UBE2D1: variants seen among roughly 807,000 people sequenced by gnomAD.
UBE2D1 encodes the protein ubiquitin-conjugating enzyme E2 D1.
A neutral mutation model predicts 24.6 loss-of-function variants in UBE2D1; 9 were observed. That is an observed-to-expected ratio of 0.37 (90% CI 0.22 to 0.64). UBE2D1 has a LOEUF of 0.64. Among genes scored for constraint, UBE2D1 ranks in the 30% least tolerant of loss-of-function variants. The pLI, the probability that UBE2D1 is intolerant of heterozygous loss-of-function variation, is 0.64. For missense variants in UBE2D1, 87 were observed against 177.1 expected (o/e 0.49, Z 2.89); for synonymous variants, 57 against 57.6 (o/e 0.99, Z 0.04).
At chr10:58,354,227 C>T (rs1840106967) in intron 1 of UBE2D1, among the ~76,000 whole-genome samples, 2 of 151,906 alleles carry the variant, frequency 1.3e-5, no homozygotes, top group Non-Finnish European at 2.9e-5. Context: ...AGTAAATTGC[C>T]CAAGGTCACA....
rs1467561400 is a variant in UBE2D1 at position 58,362,651 on chromosome 10, A to G, written c.121-958A>G. 2.6e-5 allele frequency among the ~76,000 whole-genome samples: 4 copies of G among 152,128 alleles called. No individual in the cohort carries two copies. The East Asian group carries it at 5.8e-4, about 22-fold the overall frequency. ...CCTTACTTTAGTAATGTAAATATTT[A>G]CAGTACTCTGGACCATATCTGTCAT... On this transcript the variant is annotated intron_variant, in intron 3 of 6. Coordinates refer to ENST00000373910, the MANE Select transcript of UBE2D1 (RefSeq NM_003338.5).
chr10:58,335,312 G>A, intron 1 of UBE2D1, 87 bp downstream of exon 1: 1 of 1,385,716 alleles, frequency 7.2e-7, no homozygotes, highest in East Asian at 2.8e-5. Flanking sequence ...GACATGCGGG[G>A]AGAGCAAGGG....
chr10:58,353,770 C>T (rs1288485795), intron 1 of UBE2D1, among the ~76,000 whole-genome samples: 1 of 152,066 alleles, frequency 6.6e-6, no homozygotes, highest in South Asian at 2.1e-4. Flanking sequence ...TATTCTAACA[C>T]CTGTTATACT....
Position 58,368,017 on chromosome 10 carries a change from G to A in UBE2D1, c.398+1G>A, listed in dbSNP as rs2132335415. The A allele has an allele frequency of 6.2e-7, 1 of 1,601,240 alleles. No individual in the cohort carries two copies. ...AAATCTATAAATCAGACAAAGAAAA[G>A]TAAGTGTTTACTTATTTTAGTTTCT... On this transcript the variant is annotated splice_donor_variant, in intron 6 of 6. Transcript: ENST00000373910. LOFTEE classifies it high-confidence loss of function.
intron 1 of UBE2D1, among the ~76,000 whole-genome samples, chr10:58,343,863 G>A (rs1839987757): frequency 6.6e-6 from 1 of 152,180 alleles, no homozygotes; most frequent in South Asian, 2.1e-4. Flanking sequence ...GTAGGTATTG[G>A]TAGGCATGTT....
chr10:58,358,217 G>A (rs2132327515), intron 1 of UBE2D1, among the ~76,000 whole-genome samples: 2 of 152,122 alleles, frequency 1.3e-5, no homozygotes, highest in African/African-American at 2.4e-5. Context: ...TGTAAAATAT[G>A]TACATGCAAG....
intron 1 of UBE2D1, among the ~76,000 whole-genome samples, chr10:58,335,967 A>G (rs1167969699): frequency 5.3e-5 from 8 of 152,236 alleles, no homozygotes. Flanking sequence ...GTAAAGTTCG[A>G]GACACAACAT....
chr10:58,351,233 ATAAAT>A (rs1455473956), intron 1 of UBE2D1, among the ~76,000 whole-genome samples: 1 of 152,224 alleles, frequency 6.6e-6, no homozygotes, highest in African/African-American at 2.4e-5. Context: ...TTCTTCAATA[ATAAAT>A]TAAACTTAGC....
chr10:58,344,871 T>G (rs946967027), intron 1 of UBE2D1, among the ~76,000 whole-genome samples: 13 of 151,662 alleles, frequency 8.6e-5, no homozygotes, highest in Admixed American at 3.9e-4. Flanking sequence ...TTTTTTGTTT[T>G]TTTTTTTTTT....
intron 3 of UBE2D1, among the ~76,000 whole-genome samples, chr10:58,363,275 T>C (rs1046250732): frequency 1.2e-4 from 18 of 152,176 alleles, no homozygotes; most frequent in Admixed American, 1.2e-3. Context: ...CAGTCGTGTG[T>C]ATACTGATCT....
chr10:58,365,380 G>C (rs947731048), intron 5 of UBE2D1, among the ~76,000 whole-genome samples: 2 of 152,240 alleles, frequency 1.3e-5, no homozygotes, highest in Admixed American at 1.3e-4. Flanking sequence ...TGGAAATGTT[G>C]ACAATAATAA....
At chr10:58,365,290 G>A (rs980924833) in intron 5 of UBE2D1, among the ~76,000 whole-genome samples, 2 of 152,090 alleles carry the variant, frequency 1.3e-5, no homozygotes, top group Admixed American at 1.3e-4. Flanking sequence ...CAACATAGGA[G>A]ACCCCATCTC....
At chr10:58,340,463 T>C (rs1017896928) in intron 1 of UBE2D1, among the ~76,000 whole-genome samples, 8 of 152,202 alleles carry the variant, frequency 5.3e-5, no homozygotes, top group African/African-American at 1.4e-4. Context: ...ATCAGTAATC[T>C]GTTTATAGAA....
rs75149214 is a variant in UBE2D1, at chr10:58,366,336, T to C, written c.304+1460T>C. ...CTTATAAGTAAAATGGGGATTCTTA[T>C]AGTGTTACCATACAGGGTTGCTATG... On this transcript the variant is annotated intron_variant, in intron 5 of 6. Transcript: ENST00000373910. Among the ~76,000 whole-genome samples the C allele has an allele frequency of 4.5e-3, 689 of 152,296 alleles. 4 individuals carry two copies. The highest frequency in any genetic ancestry group is 0.016 in the African/African-American group (653 of 41,564).
chr10:58,346,156 G>A (rs947559951), intron 1 of UBE2D1, among the ~76,000 whole-genome samples: 13 of 151,710 alleles, frequency 8.6e-5, no homozygotes, highest in East Asian at 5.8e-4. Context: ...GACTACAGGC[G>A]TGCACCACCA....
chr10:58,363,476 T>C (rs2132331939), intron 3 of UBE2D1, 133 bp from the exon 4 acceptor site: 1 of 575,642 alleles, frequency 1.7e-6, no homozygotes, highest in South Asian at 2.8e-5. Flanking sequence ...TTTTTTCATA[T>C]TGGTAATATT....
chr10:58,343,263 C>T (rs898799604), intron 1 of UBE2D1, among the ~76,000 whole-genome samples: 5 of 151,444 alleles, frequency 3.3e-5, no homozygotes, highest in African/African-American at 1.2e-4. Flanking sequence ...TTCCCAGTAT[C>T]TTTTTTTTTC....
At chr10:58,343,812 G>A (rs1168439726) in intron 1 of UBE2D1, among the ~76,000 whole-genome samples, 2 of 152,260 alleles carry the variant, frequency 1.3e-5, no homozygotes, top group African/African-American at 4.8e-5. Flanking sequence ...CAGTTATTAG[G>A]TATAGAGCTG....
In UBE2D1 at chr10:58,367,526, GCT is replaced by G. The variant is rs574277188; in HGVS notation, c.305-394_305-393del. The stretch of plus-strand genomic sequence containing the variant: ...TTTTCTTCTTTGTAGACAGACTATA[GCT>G]CTAAGCCAAAGCAAAAGAGTGTATG... On this transcript the variant is annotated intron_variant, in intron 5 of 6. Coordinates refer to ENST00000373910, the MANE Select transcript of UBE2D1 (RefSeq NM_003338.5). 1.1e-4 allele frequency among the ~76,000 whole-genome samples: 16 copies of G among 152,184 alleles called. No homozygotes were observed. The East Asian group carries it at 2.9e-3, about 28-fold the overall frequency.
Sources: allele counts gnomAD v4.1 joint callset (sites outside exome capture counted in the v4.1 genomes callset), GRCh38; gene constraint gnomAD v4.1.1; transcripts MANE v1.5; gene names NCBI Gene and HGNC (gene_info 2026-07-23, HGNC 2026-07-21).